Variants in TRIM28 observed in about 807,000 individuals in gnomAD.
TRIM28 encodes tripartite motif containing 28.
In TRIM28, 8 loss-of-function variants were observed where a neutral mutation model predicts 87.4. The observed-to-expected ratio is 0.09, with a 90% CI of 0.05 to 0.17. TRIM28 has a LOEUF of 0.17. Among genes scored for constraint, TRIM28 ranks in the 10% least tolerant of loss-of-function variants. TRIM28 has a pLI of 1.00. For synonymous variants in TRIM28, 601 were observed against 454.3 expected (o/e 1.32, Z -4.11); for missense variants, 968 against 1,131.8 (o/e 0.86, Z 2.08).
At chr19:58,546,594 G>T (rs2053763055) in intron 3 of TRIM28, among the ~76,000 whole-genome samples, 1 of 152,200 alleles carries the variant, frequency 6.6e-6, no homozygotes, top group African/African-American at 2.4e-5. Flanking sequence ...CGCAGGGGCT[G>T]CAGGGTGTCC....
intron 15 of TRIM28, 42 bp from the exon 16 acceptor site, chr19:58,550,105 T>C: frequency 6.2e-7 from 1 of 1,613,554 alleles, no homozygotes; most frequent in Non-Finnish European, 8.5e-7. Flanking sequence ...TGTGCATGTA[T>C]ATGTGTGTCT....
Position 58,545,521 on chromosome 19 carries a change from C to T in TRIM28, c.437C>T (p.Ala146Val), listed in dbSNP as rs768646185. 4 of 1,611,852 alleles carry T rather than the reference C, an allele frequency of 2.5e-6. No homozygotes were observed. The highest frequency in any genetic ancestry group is 1.7e-6 in the Non-Finnish European group (2 of 1,179,268). Residue 146 changes from alanine (A) to valine (V), a missense_variant, in exon 2 of 17, where the codon GCC becomes GTC. Ala to Val is a moderately conservative substitution (Grantham distance 64, BLOSUM62 0). Transcript: ENST00000253024. ...AGTGGCAGCAAGGCTGCCACCGACG[C>T]CCAGGATGCGAACCAGGTGCGTCCT... is the stretch of plus-strand genomic sequence containing the variant. ...RDSGSKAATD[A>V]QDANQCCTSC...
In TRIM28 at chr19:58,549,316, A is replaced by C. The variant is rs1276644433; in HGVS notation, c.1663-15A>C. ...GTCTGGACCCTGTTGAACACCCCTC[A>C]TCACCACCTTGCAGGAGGAGGAGAC... On this transcript the variant is annotated splice_polypyrimidine_tract_variant and intron_variant, in intron 12 of 16. Transcript: ENST00000253024. The surrounding 1 kb of genome is among the most constrained non-coding windows in gnomAD (Gnocchi z 4.4). 6.4e-7 allele frequency: 1 copy of C among 1,570,182 alleles called. No individual in the cohort carries two copies. The highest frequency in any genetic ancestry group is 1.2e-5 in the South Asian group (1 of 84,800).
rs61738781 is a variant in TRIM28 at position 58,548,152 on chromosome 19, A to G, written c.1073A>G (p.Asn358Ser). 1.9e-6 allele frequency: 3 copies of G among 1,614,200 alleles called. No individual in the cohort carries two copies. Among genetic ancestry groups the G allele is most frequent in the East Asian group, 2.2e-5 (1 of 44,888 alleles). The change falls in exon 7 of 17, where the codon AAC becomes AGC. Residue 358 changes from asparagine (N) to serine (S), a missense_variant. Coordinates refer to ENST00000253024, the MANE Select transcript of TRIM28 (RefSeq NM_005762.3). Reference sequence around the variant, plus strand: ...TCTTGGGCTCTGGAGAGTGACAACAACACAGCCCTTTTGCTTTCTAAGAAG... The same window carrying G: ...TCTTGGGCTCTGGAGAGTGACAACAGCACAGCCCTTTTGCTTTCTAAGAAG... ...FASWALESDN[N>S]TALLLSKKLI...
chr19:58,549,291 G>C lies in TRIM28; in HGVS notation c.1663-40G>C. 6.3e-7 allele frequency: 1 copy of C among 1,586,628 alleles called. No individual in the cohort carries two copies. Among genetic ancestry groups the C allele is most frequent in the Non-Finnish European group, 8.6e-7 (1 of 1,163,140 alleles). The stretch of plus-strand genomic sequence containing the variant: ...CTGTAGGATGAAGCCTGTAGTCCAG[G>C]TCTGGACCCTGTTGAACACCCCTCA... On this transcript the variant is annotated intron_variant, in intron 12 of 16. Transcript: ENST00000253024. This position sits in a 1 kb window ranked among gnomAD's most constrained non-coding sequence, Gnocchi z 4.4.
At chr19:58,546,659 G>T (rs2053763579) in intron 3 of TRIM28, among the ~76,000 whole-genome samples, 2 of 152,340 alleles carry the variant, frequency 1.3e-5, no homozygotes, top group Admixed American at 1.3e-4. Flanking sequence ...TGGCATTGGG[G>T]AAGTCAGTTT....
rs200494482 is a variant in TRIM28, at chr19:58,550,253, G to A, written c.2300G>A (p.Arg767His). The change falls in exon 16 of 17, where the codon CGC becomes CAC. Residue 767 changes from arginine to histidine, a missense_variant. By Grantham distance (29) the Arg-to-His change is conservative (BLOSUM62 0). This residue lies in a region of TRIM28 where 192 missense variants were observed against 225.6 expected (regional missense o/e 0.85). Coordinates refer to ENST00000253024, the MANE Select transcript of TRIM28 (RefSeq NM_005762.3). ...CAGGAGTTTGCCCAGGATGTGGGCCGCATGTTCAAGCAATTCAACAAGTTA... is the reference window on the plus strand; with the variant it reads ...CAGGAGTTTGCCCAGGATGTGGGCCACATGTTCAAGCAATTCAACAAGTTA... ...SPQEFAQDVG[R>H]MFKQFNKLTE... 273 of 1,613,984 alleles carry A rather than the reference G, an allele frequency of 1.7e-4. No individual in the cohort carries two copies. The highest frequency in any genetic ancestry group is 2.0e-4 in the Non-Finnish European group (239 of 1,180,008).
chr19:58,546,208 G>A (rs763791979), intron 3 of TRIM28, among the ~76,000 whole-genome samples: 3 of 152,140 alleles, frequency 2.0e-5, no homozygotes, highest in Non-Finnish European at 2.9e-5. Flanking sequence ...TATGCAAACA[G>A]GGAAAGGCAT....
rs764388901 is a variant in TRIM28 at position 58,550,280 on chromosome 19, C to T, written c.2327C>T (p.Thr776Ile). ...GRMFKQFNKLTEDKADVQSII... is the reference protein window; with the variant it reads ...GRMFKQFNKLIEDKADVQSII... ...ATGTTCAAGCAATTCAACAAGTTAA[C>T]TGAGGTGAGCCAGTGGAATGGAGAG... The change falls in exon 16 of 17, where the codon ACT becomes ATT. Residue 776 changes from threonine (T) to isoleucine (I), a missense_variant. Transcript: ENST00000253024. 1 of 1,614,098 alleles carries T rather than the reference C, an allele frequency of 6.2e-7. No individual in the cohort carries two copies. The highest frequency in any genetic ancestry group is 1.1e-5 in the South Asian group (1 of 91,084).
rs760262357 is a variant in TRIM28, at chr19:58,547,891, G to A, written c.939G>A (p.Leu313=). The part of the protein sequence containing the change: ...MKELNKRGRV[L]VNDAQKVTEG... ...AGCTGAATAAGCGGGGCCGTGTGCT[G>A]GTCAATGATGCCCAGGTAAGCCTTG... The change falls in exon 6 of 17, where the codon CTG becomes CTA. Residue 313 remains leucine (L), a synonymous_variant. Coordinates refer to ENST00000253024, the MANE Select transcript of TRIM28 (RefSeq NM_005762.3). 16 of 1,614,134 alleles carry A rather than the reference G, an allele frequency of 9.9e-6. No individual in the cohort carries two copies. The highest frequency in any genetic ancestry group is 1.2e-5 in the Non-Finnish European group (14 of 1,180,026).
At chr19:58,548,958 T>G (rs1600082936) in intron 11 of TRIM28, 30 bp from the exon 12 acceptor site, 5 of 1,613,790 alleles carry the variant, frequency 3.1e-6, no homozygotes, top group African/African-American at 2.7e-5. Context: ...AGGGTGGGGG[T>G]GTACTCATGC....
chr19:58,550,711 C>A lies in TRIM28; in HGVS notation c.*158C>A. 1.3e-6 allele frequency: 1 copy of A among 792,490 alleles called. No individual in the cohort carries two copies. Among genetic ancestry groups the A allele is most frequent in the Non-Finnish European group, 1.9e-6 (1 of 513,910 alleles). The allele number at this position is 792,490 out of a possible 1,614,324, so 49.1% of individuals were successfully genotyped here. On this transcript the variant is annotated 3_prime_UTR_variant, in exon 17 of 17. Coordinates refer to ENST00000253024, the MANE Select transcript of TRIM28 (RefSeq NM_005762.3). ...TCTGTGGATTTAATAAAAACTTCACCAGTTCCTCAGGCGTTGGCTGGTTGG... is the reference window on the plus strand; with the variant it reads ...TCTGTGGATTTAATAAAAACTTCACAAGTTCCTCAGGCGTTGGCTGGTTGG...
chr19:58,544,718 C>A lies in TRIM28; in HGVS notation c.-40C>A, dbSNP rs2053743648. The A allele has an allele frequency of 6.3e-6, 6 of 947,956 alleles. No individual in the cohort carries two copies. The African/African-American group carries it at 8.9e-5, about 14-fold the overall frequency. The allele number at this position is 947,956 out of a possible 1,614,324, so 58.7% of individuals were successfully genotyped here. On this transcript the variant is annotated 5_prime_UTR_variant, in exon 1 of 17. Coordinates refer to ENST00000253024, the MANE Select transcript of TRIM28 (RefSeq NM_005762.3). ...GTCTGCGCCTGCGCGGCGGGCCCCG[C>A]GCCCCTCCTCCCCCCCTGGGCGCCC... is the stretch of plus-strand genomic sequence containing the variant.
intron 3 of TRIM28, among the ~76,000 whole-genome samples, chr19:58,546,170 G>T (rs903023979): frequency 2.0e-5 from 3 of 152,182 alleles, no homozygotes; most frequent in Non-Finnish European, 2.9e-5. Context: ...TCAGGGAGTT[G>T]TCAGACCTGG....
At position 58,549,235 on chromosome 19, in the gene TRIM28, G is replaced by A; in HGVS notation, c.1657G>A (p.Val553Ile). ...CCCACCCCTGGCTGGCATGGCCATT[G>A]TCAAGGTAAGCCTGTCCCAAGGAAC... is the stretch of plus-strand genomic sequence containing the variant. Reference protein sequence around the residue: ...GAPPLAGMAIVKEEETEAAIG... With the variant: ...GAPPLAGMAIIKEEETEAAIG... Residue 553 changes from valine to isoleucine, a missense_variant, in exon 12 of 17, where the codon GTC becomes ATC. Physicochemically the swap from Val to Ile is conservative, Grantham distance 29. Transcript: ENST00000253024. The surrounding 1 kb of genome is among the most constrained non-coding windows in gnomAD (Gnocchi z 4.4). The A allele has an allele frequency of 6.2e-7, 1 of 1,613,312 alleles. No homozygotes were observed. The highest frequency in any genetic ancestry group is 1.7e-4 in the Middle Eastern group (1 of 6,060).
chr19:58,549,167 C>G lies in TRIM28; in HGVS notation c.1589C>G (p.Ala530Gly), dbSNP rs775599764. Reference sequence around the variant, plus strand: ...ATTGAACGTGGCGCTGCCGCTGCAGCTACCGGCCAGCCAGGGACTGCGCCT... The same window carrying G: ...ATTGAACGTGGCGCTGCCGCTGCAGGTACCGGCCAGCCAGGGACTGCGCCT... Reference protein sequence around the residue: ...IVIERGAAAAATGQPGTAPAG... With the variant: ...IVIERGAAAAGTGQPGTAPAG... The change falls in exon 12 of 17, where the codon GCT becomes GGT. Residue 530 changes from alanine to glycine, a missense_variant. Ala to Gly is a moderately conservative substitution (Grantham distance 60, BLOSUM62 0). Around this residue, in one of 11 missense-constraint regions of TRIM28, gnomAD observed 164 missense variants for 146.2 expected, o/e 1.12. Transcript: ENST00000253024. This position sits in a 1 kb window ranked among gnomAD's most constrained non-coding sequence, Gnocchi z 4.4. 1.2e-6 allele frequency: 2 copies of G among 1,613,820 alleles called. No homozygotes were observed. The highest frequency in any genetic ancestry group is 1.3e-5 in the African/African-American group (1 of 74,934).
At position 58,545,826 on chromosome 19, in the gene TRIM28, T is replaced by G. The variant is rs775124310; in HGVS notation, c.516T>G (p.Pro172=). The change falls in exon 3 of 17, where the codon CCT becomes CCG. Residue 172 remains proline, a synonymous_variant. Transcript: ENST00000253024. ...ATSYCVECSE[P]LCETCVEAHQ... is the part of the protein sequence containing the mutation. Reference sequence around the variant, plus strand: ...GCTACTGTGTGGAGTGCTCGGAGCCTCTGTGTGAGACCTGTGTAGAGGCGC... The same window carrying G: ...GCTACTGTGTGGAGTGCTCGGAGCCGCTGTGTGAGACCTGTGTAGAGGCGC... 3.7e-6 allele frequency: 6 copies of G among 1,612,098 alleles called. No homozygotes were observed. Among genetic ancestry groups the G allele is most frequent in the South Asian group, 2.2e-5 (2 of 91,082 alleles).
intron 10 of TRIM28, 29 bp from the exon 11 acceptor site, chr19:58,548,833 C>G (rs1013614536): frequency 4.3e-6 from 7 of 1,614,086 alleles, no homozygotes; most frequent in Non-Finnish European, 5.9e-6. Context: ...CTACCCCAAC[C>G]TGCCAGTCTT....
intron 1 of TRIM28, 63 bp from the exon 2 acceptor site, chr19:58,545,362 A>C: frequency 1.5e-6 from 2 of 1,315,068 alleles, no homozygotes; most frequent in Non-Finnish European, 2.2e-6. Context: ...CAGCAGGGGA[A>C]TGGTGGGGGC....
Sources: gnomAD v4.1 joint callset for allele counts (sites outside exome capture counted in the v4.1 genomes callset) on GRCh38, gnomAD v4.1.1 for gene constraint, gnomAD v4.1.1 regional missense constraint, Gnocchi (gnomAD v3.1) non-coding constraint, MANE v1.5 for transcripts, NCBI Gene and HGNC (gene_info 2026-07-23, HGNC 2026-07-21) for gene names.